The following PARD3B variants were observed in gnomAD, a reference collection of about 807,000 sequenced individuals.
PARD3B encodes the protein par-3 family cell polarity regulator beta, also known as partitioning defective 3 homolog B.
In PARD3B, 103 loss-of-function variants were observed where a neutral mutation model predicts 130.2. The observed-to-expected ratio is 0.79, with a 90% confidence interval of 0.67 to 0.93. PARD3B has a LOEUF of 0.93. Ranked by LOEUF, PARD3B falls within the 40% of genes least tolerant of loss-of-function variation. PARD3B has a pLI of 0.00. For missense variants in PARD3B, 1,609 were observed against 1,499.2 expected (o/e 1.07, Z -1.21); for synonymous variants, 583 against 553.2 (o/e 1.05, Z -0.76).
At chr2:204,765,244 TGA>T (rs2041093553) in intron 2 of PARD3B, among the ~76,000 whole-genome samples, 2 of 152,304 alleles carry the variant, frequency 1.3e-5, no homozygotes, top group Admixed American at 1.3e-4. Flanking sequence ...AGAGGTTGTT[TGA>T]AAAATATTTA....
chr2:204,607,442 C>T (rs1044598331), intron 1 of PARD3B, among the ~76,000 whole-genome samples: 7 of 152,200 alleles, frequency 4.6e-5, no homozygotes, highest in Middle Eastern at 3.4e-3. Context: ...AAAGGACCTT[C>T]GATCATAATT....
chr2:205,426,267 C>CTACTAA (rs1553511751), intron 19 of PARD3B, among the ~76,000 whole-genome samples: 1 of 152,134 alleles, frequency 6.6e-6, no homozygotes, highest in African/African-American at 2.4e-5. Context: ...ACTACTACTA[C>CTACTAA]TAATAATAAT....
chr2:205,107,583 G>A (rs1436442173), intron 5 of PARD3B, among the ~76,000 whole-genome samples: 2 of 152,134 alleles, frequency 1.3e-5, no homozygotes, highest in African/African-American at 4.8e-5. Flanking sequence ...AAGCAAGACT[G>A]TGAATCCTCC....
In PARD3B at chr2:204,716,623, C is replaced by CTT. The variant is rs35183526; in HGVS notation, c.222+30357_222+30358dup. On this transcript the variant is annotated intron_variant, in intron 2 of 22. Coordinates refer to ENST00000406610, the MANE Select transcript of PARD3B (RefSeq NM_001302769.2). ...AAAGTAATGGCAAAAACAGCAACTG[C>CTT]TTTTTTTTTTTTTTTTTGAGACGGA... is the stretch of plus-strand genomic sequence containing the variant. Among the ~76,000 whole-genome samples, 830 of 98,100 alleles carry CTT rather than the reference C, an allele frequency of 8.5e-3. 13 individuals are homozygous for CTT. The highest frequency in any genetic ancestry group is 0.014 in the African/African-American group (385 of 27,564). 64.4% of individuals were successfully genotyped at this position (98,100 alleles called of 152,430 possible).
chr2:204,640,590 C>T (rs930346344), intron 1 of PARD3B, among the ~76,000 whole-genome samples: 5 of 152,154 alleles, frequency 3.3e-5, no homozygotes, highest in African/African-American at 9.7e-5. Context: ...GTGACTAGAC[C>T]TGAGATACTG....
At chr2:204,852,336 T>C (rs2044742107) in intron 2 of PARD3B, among the ~76,000 whole-genome samples, 1 of 152,098 alleles carries the variant, frequency 6.6e-6, no homozygotes, top group African/African-American at 2.4e-5. Flanking sequence ...TATGTATATA[T>C]GTATATAGGG....
chr2:205,399,332 GTTTTT>G (rs931429681), intron 18 of PARD3B, among the ~76,000 whole-genome samples: 2 of 151,768 alleles, frequency 1.3e-5, no homozygotes, highest in Admixed American at 1.3e-4. Context: ...GTTTTGTTTT[GTTTTT>G]TGTGTGTGTT....
intron 15 of PARD3B, among the ~76,000 whole-genome samples, chr2:205,203,408 ATACTTT>A (rs993213628): frequency 6.8e-5 from 10 of 146,934 alleles, no homozygotes; most frequent in South Asian, 2.2e-4. Context: ...TTTTTTTACT[ATACTTT>A]TACTTTTTAC....
intron 21 of PARD3B, among the ~76,000 whole-genome samples, chr2:205,547,535 C>T (rs2052430924): frequency 6.6e-6 from 1 of 152,088 alleles, no homozygotes; most frequent in Admixed American, 6.6e-5. Flanking sequence ...AGCCACACTC[C>T]AGAACTGAGC....
At chr2:205,070,966 A>T (rs1249587158) in intron 4 of PARD3B, among the ~76,000 whole-genome samples, 1 of 151,928 alleles carries the variant, frequency 6.6e-6, no homozygotes, top group African/African-American at 2.4e-5. Flanking sequence ...GGGCTATTTG[A>T]TTACCTGGAA....
chr2:204,811,543 A>T (rs1415980798), intron 2 of PARD3B, among the ~76,000 whole-genome samples: 4 of 152,086 alleles, frequency 2.6e-5, no homozygotes, highest in Admixed American at 2.6e-4. Context: ...GCTGGGTGAG[A>T]TGGATTCTTA....
chr2:204,578,934 G>A lies in PARD3B; in HGVS notation c.120+32815G>A, dbSNP rs560260933. 1.3e-4 allele frequency among the ~76,000 whole-genome samples: 20 copies of A among 152,086 alleles called. 1 individual carries two copies. Among genetic ancestry groups the A allele is most frequent in the Non-Finnish European group, 2.4e-4 (16 of 68,032 alleles). On this transcript the variant is annotated intron_variant, in intron 1 of 22. Coordinates refer to ENST00000406610, the MANE Select transcript of PARD3B (RefSeq NM_001302769.2). ...AAGCTGTAGACTTGGGATGATGGGAGTATGGAAGAGATGATTCCTCCTGTG... is the reference window on the plus strand; with the variant it reads ...AAGCTGTAGACTTGGGATGATGGGAATATGGAAGAGATGATTCCTCCTGTG...
intron 22 of PARD3B, among the ~76,000 whole-genome samples, chr2:205,578,936 G>A (rs940105758): frequency 6.6e-6 from 1 of 152,178 alleles, no homozygotes; most frequent in Non-Finnish European, 1.5e-5. Context: ...GCAGTACCTA[G>A]CTAGATAGTA....
chr2:205,558,244 A>C lies in PARD3B; in HGVS notation c.3260+4841A>C, dbSNP rs2052979936. Among the ~76,000 whole-genome samples, 1 of 152,160 alleles carries C rather than the reference A, an allele frequency of 6.6e-6. No individual in the cohort carries two copies. The highest frequency in any genetic ancestry group is 6.5e-5 in the Admixed American group (1 of 15,286). On this transcript the variant is annotated intron_variant, in intron 22 of 22. Transcript: ENST00000406610. This position sits in a 1 kb window ranked among gnomAD's most constrained non-coding sequence, Gnocchi z 4.8. ...TGGGTGCAGGAGTAGGCATTGCTCCAGTGGTAGAGGCCATACCCAGGGCGA... is the reference window on the plus strand; with the variant it reads ...TGGGTGCAGGAGTAGGCATTGCTCCCGTGGTAGAGGCCATACCCAGGGCGA...
intron 1 of PARD3B, among the ~76,000 whole-genome samples, chr2:204,580,187 G>C (rs2032478782): frequency 6.6e-6 from 1 of 152,184 alleles, no homozygotes; most frequent in Non-Finnish European, 1.5e-5. Context: ...CAGAAGTAGA[G>C]AGCTTCCTTC....
chr2:204,998,043 G>A (rs970636467), intron 3 of PARD3B, among the ~76,000 whole-genome samples: 3 of 149,386 alleles, frequency 2.0e-5, no homozygotes, highest in African/African-American at 7.3e-5. Context: ...TTAAGGTTAT[G>A]AATAAGATGA....
At chr2:204,563,868 G>C (rs536434844) in intron 1 of PARD3B, among the ~76,000 whole-genome samples, 1 of 152,230 alleles carries the variant, frequency 6.6e-6, no homozygotes, top group African/African-American at 2.4e-5. Flanking sequence ...CCACCTCCCG[G>C]GTTCACGCCA....
Position 205,550,924 on chromosome 2 carries a change from TGTGTG to T in PARD3B, c.3181-2399_3181-2395del, listed in dbSNP as rs2052594928. Among the ~76,000 whole-genome samples the T allele has an allele frequency of 5.1e-5, 2 of 38,910 alleles. No individual in the cohort carries two copies. The highest frequency in any genetic ancestry group is 9.1e-4 in the Admixed American group (2 of 2,204). The allele number at this position is 38,910 out of a possible 152,430, so 25.5% of individuals were successfully genotyped here. A position where few individuals can be genotyped will look rare whatever the true frequency, so the allele number is the denominator to read the frequency against. On this transcript the variant is annotated intron_variant, in intron 21 of 22. Transcript: ENST00000406610. The surrounding 1 kb of genome is among the most constrained non-coding windows in gnomAD (Gnocchi z 4.5). ...ATCATGTTATAAATACATATAATTA[TGTGTG>T]TGTGTGTGTGTGTATATATATATGT...
intron 4 of PARD3B, among the ~76,000 whole-genome samples, chr2:205,095,590 C>T (rs1702346950): frequency 1.3e-5 from 2 of 151,994 alleles, no homozygotes; most frequent in African/African-American, 2.4e-5. Flanking sequence ...TTTCTGATAC[C>T]TCGATGAGAT....
Sources: allele counts gnomAD v4.1 joint callset (sites outside exome capture counted in the v4.1 genomes callset), GRCh38; gene constraint gnomAD v4.1.1; non-coding constraint Gnocchi (gnomAD v3.1); transcripts MANE v1.5; gene names NCBI Gene and HGNC (gene_info 2026-07-23, HGNC 2026-07-21).